Variants in SORCS2 observed in about 807,000 individuals in gnomAD.
SORCS2 encodes the protein sortilin related VPS10 domain containing receptor 2, also known as VPS10 domain-containing receptor SorCS2.
Under a neutral mutation model 141.6 loss-of-function variants are expected in SORCS2, and 100 were observed. The observed-to-expected ratio is 0.71, with a 90% CI of 0.60 to 0.83. The LOEUF (loss-of-function observed/expected upper bound fraction) is 0.83, where lower values mean the gene tolerates loss of function less well. Among genes scored for constraint, SORCS2 ranks in the 40% least tolerant of loss-of-function variants. The probability of loss-of-function intolerance (pLI) is 0.00; values close to 1 mark genes in which losing one functional copy is unlikely to be tolerated. For synonymous variants in SORCS2, 789 were observed against 676.9 expected (o/e 1.17, Z -2.57); for missense variants, 1,646 against 1,560.2 (o/e 1.05, Z -0.93).
chr4:7,428,895 G>T (rs1422779444), intron 2 of SORCS2, among the ~76,000 whole-genome samples: 2 of 152,134 alleles, frequency 1.3e-5, no homozygotes, highest in South Asian at 4.1e-4. Context: ...GCGCAGGGGA[G>T]CCCAGACCCC....
chr4:7,377,008 T>C (rs187552280), intron 1 of SORCS2, among the ~76,000 whole-genome samples: 2 of 152,108 alleles, frequency 1.3e-5, no homozygotes, highest in African/African-American at 4.8e-5. Context: ...TGAAAGTGGT[T>C]TGTGCCTGCA....
chr4:7,248,400 T>C (rs1475074116), intron 1 of SORCS2, among the ~76,000 whole-genome samples: 1 of 152,234 alleles, frequency 6.6e-6, no homozygotes, highest in Non-Finnish European at 1.5e-5. Context: ...CCTAGCTGTG[T>C]GACTTTGGTC....
intron 2 of SORCS2, among the ~76,000 whole-genome samples, chr4:7,461,759 T>G (rs748240046): frequency 6.6e-6 from 1 of 152,114 alleles, no homozygotes; most frequent in African/African-American, 2.4e-5. Context: ...GCCTCACCTC[T>G]GACCCCTTCT....
chr4:7,732,453 G>A (rs1025523871), intron 23 of SORCS2, among the ~76,000 whole-genome samples: 3 of 152,178 alleles, frequency 2.0e-5, no homozygotes, highest in Non-Finnish European at 4.4e-5. Flanking sequence ...GTCACGTCAC[G>A]CAGACCCTGG....
intron 3 of SORCS2, among the ~76,000 whole-genome samples, chr4:7,609,217 T>A (rs1198141300): frequency 6.6e-6 from 1 of 152,218 alleles, no homozygotes; most frequent in Non-Finnish European, 1.5e-5. Context: ...TTGTTTGTTT[T>A]TCCTTTTCAA....
intron 2 of SORCS2, 77 bp from the exon 3 acceptor site, chr4:7,531,453 G>T: frequency 7.2e-7 from 1 of 1,397,290 alleles, no homozygotes; most frequent in East Asian, 2.4e-5. Flanking sequence ...CACAGGGCAG[G>T]GGCTGGACAC....
At chr4:7,685,688 A>ATATATATATATATATATATATATAT (rs1553904098) in intron 10 of SORCS2, among the ~76,000 whole-genome samples, 2 of 149,716 alleles carry the variant, frequency 1.3e-5, no homozygotes, top group African/African-American at 5.0e-5. Flanking sequence ...AAAATAAATA[A>ATATATATATATATATATATATATAT]ATATATATAT....
chr4:7,304,119 G>A (rs1370283782), intron 1 of SORCS2, among the ~76,000 whole-genome samples: 2 of 152,254 alleles, frequency 1.3e-5, no homozygotes, highest in Non-Finnish European at 2.9e-5. Flanking sequence ...TGCCAGGCAT[G>A]TGTGGTCCCC....
At chr4:7,715,941 A>G (rs1726158448) in intron 17 of SORCS2, among the ~76,000 whole-genome samples, 1 of 152,180 alleles carries the variant, frequency 6.6e-6, no homozygotes, top group South Asian at 2.1e-4. Context: ...TAAGCTCCAC[A>G]ACACACAGTA....
chr4:7,579,131 T>A (rs1039595804), intron 3 of SORCS2, among the ~76,000 whole-genome samples: 5 of 152,210 alleles, frequency 3.3e-5, no homozygotes, highest in African/African-American at 4.8e-5. Flanking sequence ...AGACTCACAC[T>A]TGGGGCTGCC....
In SORCS2 at chr4:7,363,514, C is replaced by G. The variant is rs111161939; in HGVS notation, c.481-32774C>G. Among the ~76,000 whole-genome samples, 4 of 95,334 alleles carry G rather than the reference C, an allele frequency of 4.2e-5. No individual in the cohort carries two copies. In the South Asian group the frequency reaches 2.0e-3, roughly 47 times the overall value. The allele number at this position is 95,334 out of a possible 152,430, so 62.5% of individuals were successfully genotyped here. On this transcript the variant is annotated intron_variant, in intron 1 of 26. Transcript: ENST00000507866. ...TGCCTCACCATCATCATCACCATCACCACCATTGTGGTGTATCACCATTAC... is the reference window on the plus strand; with the variant it reads ...TGCCTCACCATCATCATCACCATCAGCACCATTGTGGTGTATCACCATTAC...
chr4:7,242,849 T>G (rs1712796626), intron 1 of SORCS2, among the ~76,000 whole-genome samples: 1 of 152,222 alleles, frequency 6.6e-6, no homozygotes, highest in Non-Finnish European at 1.5e-5. Context: ...TCGCCTGCAG[T>G]GGGCAGGGAT....
intron 13 of SORCS2, 24 bp from the exon 14 acceptor site, chr4:7,704,153 A>G (rs373550527): frequency 5.8e-5 from 93 of 1,601,152 alleles, no homozygotes; most frequent in Non-Finnish European, 7.7e-5. Context: ...CACCCCAGAG[A>G]TGCTGACGAT....
At chr4:7,624,599 G>A (rs968261445) in intron 3 of SORCS2, among the ~76,000 whole-genome samples, 1 of 152,186 alleles carries the variant, frequency 6.6e-6, no homozygotes. Context: ...TGTTGAAAAG[G>A]CCTAACACAA....
intron 2 of SORCS2, among the ~76,000 whole-genome samples, chr4:7,486,047 C>A (rs752954607): frequency 6.6e-6 from 1 of 152,198 alleles, no homozygotes; most frequent in South Asian, 2.1e-4. Context: ...CCGAAGCCCA[C>A]GGATGTCACC....
At chr4:7,356,820 G>A (rs781472371) in intron 1 of SORCS2, among the ~76,000 whole-genome samples, 1 of 152,224 alleles carries the variant, frequency 6.6e-6, no homozygotes, top group Non-Finnish European at 1.5e-5. Flanking sequence ...GAATGAACAC[G>A]TTGATGAATG....
At chr4:7,199,340 G>A (rs945212780) in intron 1 of SORCS2, among the ~76,000 whole-genome samples, 5 of 152,190 alleles carry the variant, frequency 3.3e-5, no homozygotes, top group African/African-American at 9.6e-5. Context: ...GGTGGGGCAG[G>A]GGAAGCTCAG....
intron 2 of SORCS2, among the ~76,000 whole-genome samples, chr4:7,405,883 G>A (rs530176067): frequency 3.3e-5 from 5 of 152,044 alleles, no homozygotes; most frequent in East Asian, 3.8e-4. Flanking sequence ...TGTTGAATAC[G>A]AGTGGTGAAA....
At chr4:7,708,353 A>T (rs959557811) in intron 14 of SORCS2, among the ~76,000 whole-genome samples, 1 of 152,066 alleles carries the variant, frequency 6.6e-6, no homozygotes, top group Non-Finnish European at 1.5e-5. Context: ...GATGCTTGGG[A>T]CAGCTCTGCT....
Sources: gnomAD v4.1 joint callset for allele counts (sites outside exome capture counted in the v4.1 genomes callset) on GRCh38, gnomAD v4.1.1 for gene constraint, MANE v1.5 for transcripts, NCBI Gene and HGNC (gene_info 2026-07-23, HGNC 2026-07-21) for gene names.